Variants in EIF4B observed in about 807,000 individuals in gnomAD.
EIF4B encodes eukaryotic translation initiation factor 4B.
In EIF4B, 8 loss-of-function variants were observed where a neutral mutation model predicts 79.3. That is an observed-to-expected ratio of 0.10 (90% CI 0.06 to 0.18). The LOEUF (loss-of-function observed/expected upper bound fraction) is 0.18, where lower values mean the gene tolerates loss of function less well. Among genes scored for constraint, EIF4B ranks in the 10% least tolerant of loss-of-function variants. The probability of loss-of-function intolerance (pLI) is 1.00; values close to 1 mark genes in which losing one functional copy is unlikely to be tolerated. For missense variants in EIF4B, 515 were observed against 792.4 expected (o/e 0.65, Z 4.20); for synonymous variants, 238 against 274.7 (o/e 0.87, Z 1.32).
In EIF4B at chr12:53,041,429, A is replaced by G. The variant is rs1943636020; in HGVS notation, c.*1206A>G. ...AACCTTGATGGGATTTTTCCCCCCA[A>G]GTTTCCTTCTCCACTGAAATGCCAC... is the stretch of plus-strand genomic sequence containing the variant. On this transcript the variant is annotated 3_prime_UTR_variant, in exon 15 of 15. Transcript: ENST00000262056. 1 of 152,094 alleles carries G rather than the reference A, an allele frequency of 6.6e-6. No homozygotes were observed. The highest frequency in any genetic ancestry group is 1.5e-5 in the Non-Finnish European group (1 of 68,018). 9.4% of individuals were successfully genotyped at this position (152,094 alleles called of 1,614,324 possible).
At chr12:53,007,125 T>G (rs564477985) in intron 1 of EIF4B, among the ~76,000 whole-genome samples, 32 of 152,256 alleles carry the variant, frequency 2.1e-4, no homozygotes, top group African/African-American at 7.7e-4. Flanking sequence ...CTTATGTCCT[T>G]TTAGGTTGTC....
intron 4 of EIF4B, 77 bp downstream of exon 4, chr12:53,020,103 T>C (rs954168122): frequency 1.9e-5 from 24 of 1,243,912 alleles, no homozygotes; most frequent in Admixed American, 4.9e-5. Context: ...TGGTATTTTT[T>C]AGGTTGAGAG....
chr12:53,035,233 CT>C (rs1943519557), intron 10 of EIF4B, among the ~76,000 whole-genome samples: 1 of 151,990 alleles, frequency 6.6e-6, no homozygotes, highest in Non-Finnish European at 1.5e-5. Context: ...GAGACAGGGT[CT>C]TACTCTGTCA....
intron 2 of EIF4B, 40 bp downstream of exon 2, chr12:53,016,650 T>A (rs976977929): frequency 1.8e-5 from 28 of 1,532,036 alleles, no homozygotes; most frequent in Non-Finnish European, 2.2e-5. Context: ...ATGTTTATTA[T>A]TTTCTAGACA....
rs1943493000 is a variant in EIF4B, at chr12:53,034,010, A to C, written c.1184A>C (p.Lys395Thr). 1 of 1,612,926 alleles carries C rather than the reference A, an allele frequency of 6.2e-7. No homozygotes were observed. The highest frequency in any genetic ancestry group is 8.5e-7 in the Non-Finnish European group (1 of 1,179,480). ...EKLQRQLDEP[K>T]LERRPRERHP... The stretch of plus-strand genomic sequence containing the variant: ...TTGCAGCGTCAGCTGGATGAGCCAA[A>C]ACTAGAACGACGGCCTCGGGAGAGG... The change falls in exon 9 of 15, where the codon AAA becomes ACA. Residue 395 changes from lysine to threonine, a missense_variant. Physicochemically the swap from Lys to Thr is moderately conservative, Grantham distance 78 (BLOSUM62 -1). This residue lies in a region of EIF4B where 146 missense variants were observed against 228.0 expected (regional missense o/e 0.64). Transcript: ENST00000262056.
chr12:53,019,134 C>G (rs570877617), intron 3 of EIF4B, 128 bp downstream of exon 3: 1 of 1,157,368 alleles, frequency 8.6e-7, no homozygotes, highest in Admixed American at 2.2e-5. Context: ...AATGGTGGCT[C>G]ACGCCTGTAA....
chr12:53,008,402 T>C (rs1325689893), intron 1 of EIF4B, among the ~76,000 whole-genome samples: 1 of 152,230 alleles, frequency 6.6e-6, no homozygotes, highest in Non-Finnish European at 1.5e-5. Context: ...ACAAGTCACA[T>C]CTTTCAGTCT....
intron 1 of EIF4B, chr12:53,014,566 G>A (rs1012459461): frequency 6.6e-6 from 1 of 152,194 alleles, no homozygotes; most frequent in Admixed American, 6.5e-5. Context: ...GGTTCATCTG[G>A]TTTGCACATT....
chr12:53,013,387 C>T (rs1943096665), intron 1 of EIF4B, among the ~76,000 whole-genome samples: 1 of 152,224 alleles, frequency 6.6e-6, no homozygotes, highest in African/African-American at 2.4e-5. Flanking sequence ...ATCCCAGACA[C>T]TATTTTTGAA....
intron 3 of EIF4B, among the ~76,000 whole-genome samples, chr12:53,019,437 A>ATAT (rs1943205076): frequency 2.0e-5 from 1 of 51,026 alleles, no homozygotes; most frequent in African/African-American, 6.6e-5. Flanking sequence ...ATATATATAT[A>ATAT]TTTTTTTTTT....
rs1339226437 is a variant in EIF4B at position 53,040,275 on chromosome 12, G to A, written c.*52G>A. The A allele has an allele frequency of 1.9e-5, 29 of 1,494,300 alleles. No homozygotes were observed. Among genetic ancestry groups the A allele is most frequent in the African/African-American group, 4.1e-5 (3 of 72,372 alleles). The allele number at this position is 1,494,300 out of a possible 1,614,324, so 92.6% of individuals were successfully genotyped here. Reference sequence around the variant, plus strand: ...AGTTTCTCTCCACCCTGGAACATTCGAGAGCAAATCAAAACCTCTATCCAG... The same window carrying A: ...AGTTTCTCTCCACCCTGGAACATTCAAGAGCAAATCAAAACCTCTATCCAG... On this transcript the variant is annotated 3_prime_UTR_variant, in exon 15 of 15. Transcript: ENST00000262056.
At position 53,042,163 on chromosome 12, in the gene EIF4B, T is replaced by G. The variant is rs1376289587; in HGVS notation, c.*1940T>G. 1.3e-5 allele frequency: 2 copies of G among 152,572 alleles called. No homozygotes were observed. Among genetic ancestry groups the G allele is most frequent in the East Asian group, 3.8e-4 (2 of 5,200 alleles). The allele number at this position is 152,572 out of a possible 1,614,324, so 9.5% of individuals were successfully genotyped here. A position where few individuals can be genotyped will look rare whatever the true frequency, so the allele number is the denominator to read the frequency against. On this transcript the variant is annotated 3_prime_UTR_variant, in exon 15 of 15. Transcript: ENST00000262056. Reference sequence around the variant, plus strand: ...TTGATGTAAAATCCCATCCTTTGGGTTGTGGGTTTTTTGTTTTCTCCAAAT... The same window carrying G: ...TTGATGTAAAATCCCATCCTTTGGGGTGTGGGTTTTTTGTTTTCTCCAAAT...
At chr12:53,015,630 G>A (rs533155164) in intron 1 of EIF4B, among the ~76,000 whole-genome samples, 39 of 151,388 alleles carry the variant, frequency 2.6e-4, no homozygotes, top group African/African-American at 6.5e-4. Flanking sequence ...TCAGATAGCC[G>A]TGGCCACACC....
At chr12:53,037,235 C>T (rs1475296934) in intron 10 of EIF4B, among the ~76,000 whole-genome samples, 174 bp from the exon 11 acceptor site, 2 of 152,200 alleles carry the variant, frequency 1.3e-5, no homozygotes, top group African/African-American at 4.8e-5. Flanking sequence ...TTCTATTTCT[C>T]TGTGCATCAG....
At chr12:53,014,408 G>A (rs553755880) in intron 1 of EIF4B, among the ~76,000 whole-genome samples, 118 of 146,628 alleles carry the variant, frequency 8.0e-4, no homozygotes, top group Non-Finnish European at 1.3e-3. Context: ...GCGAGACTCC[G>A]TCTCAAAAAA....
chr12:53,021,192 A>G (rs1012666847), intron 4 of EIF4B, among the ~76,000 whole-genome samples: 11 of 152,244 alleles, frequency 7.2e-5, no homozygotes, highest in Non-Finnish European at 1.3e-4. Flanking sequence ...GGAAGAACTG[A>G]TTTATCTGAA....
chr12:53,022,841 G>A lies in EIF4B; in HGVS notation c.667+214G>A, dbSNP rs11170379. On this transcript the variant is annotated intron_variant, in intron 6 of 14. Transcript: ENST00000262056. ...TTTTGAAAACTTAACCAAACAAAGG[G>A]ACAGACATTTCTCTTTTTTTGGAGA... Among the ~76,000 whole-genome samples, 1,870 of 152,188 alleles carry A rather than the reference G, an allele frequency of 0.012. 77 individuals carry two copies. In the East Asian group the frequency reaches 0.15, roughly 12 times the overall value.
intron 6 of EIF4B, among the ~76,000 whole-genome samples, chr12:53,026,191 T>TTA (rs1311853843): frequency 1.3e-4 from 20 of 152,302 alleles, no homozygotes; most frequent in Admixed American, 2.0e-4. Flanking sequence ...GTTAGTTAAT[T>TTA]TATATTTAGA....
At chr12:53,021,603 A>G in intron 4 of EIF4B, 1 of 672,846 alleles carries the variant, frequency 1.5e-6, no homozygotes, top group East Asian at 2.7e-5. Flanking sequence ...TTGACCTAAT[A>G]TTCAAGGCCA....
Sources: allele counts gnomAD v4.1 joint callset (sites outside exome capture counted in the v4.1 genomes callset), GRCh38; gene constraint gnomAD v4.1.1; regional missense constraint gnomAD v4.1.1; transcripts MANE v1.5; gene names NCBI Gene and HGNC (gene_info 2026-07-23, HGNC 2026-07-21).